Variants in HIVEP3 observed in about 807,000 individuals in gnomAD.
HIVEP3 encodes transcription factor HIVEP3.
In HIVEP3, 49 loss-of-function variants were observed where a neutral mutation model predicts 152.8. The ratio of observed to expected loss-of-function variants is 0.32; its 90% CI spans 0.26 to 0.41. The LOEUF is 0.41. Ranked by LOEUF, HIVEP3 falls within the 10% of genes least tolerant of loss-of-function variation. The probability of loss-of-function intolerance (pLI) is 1.00; values close to 1 mark genes in which losing one functional copy is unlikely to be tolerated. For synonymous variants in HIVEP3, 1,269 were observed against 1,289.0 expected (o/e 0.98, Z 0.33); for missense variants, 2,790 against 3,103.3 (o/e 0.90, Z 2.40).
chr1:42,014,905 T>C (rs1474706775), intron 1 of HIVEP3, among the ~76,000 whole-genome samples: 1 of 152,206 alleles, frequency 6.6e-6, no homozygotes, highest in Non-Finnish European at 1.5e-5. Context: ...TGTACAGTCA[T>C]GTCCAGAAAG....
chr1:41,677,423 G>A (rs962391380), intron 2 of HIVEP3, among the ~76,000 whole-genome samples: 3 of 152,244 alleles, frequency 2.0e-5, no homozygotes, highest in African/African-American at 7.2e-5. Flanking sequence ...TGCACCAGCG[G>A]TGTGACATTG....
chr1:41,562,627 C>A (rs1264633560), intron 5 of HIVEP3, among the ~76,000 whole-genome samples: 1 of 112,540 alleles, frequency 8.9e-6, no homozygotes, highest in African/African-American at 4.0e-5. Flanking sequence ...CTCTCTCTCT[C>A]TCTCTCCCTC....
chr1:41,965,910 C>A (rs1645194926), intron 1 of HIVEP3, among the ~76,000 whole-genome samples: 1 of 152,106 alleles, frequency 6.6e-6, no homozygotes, highest in Admixed American at 6.5e-5. Context: ...AGAAGATCAA[C>A]CCCAAGACAC....
chr1:41,518,129 G>C (rs1327215625), intron 7 of HIVEP3, among the ~76,000 whole-genome samples: 2 of 152,208 alleles, frequency 1.3e-5, no homozygotes, highest in East Asian at 3.9e-4. Context: ...GGTGCCAGGC[G>C]CTCCACCTGC....
chr1:41,665,486 G>A (rs1447804209), intron 2 of HIVEP3, among the ~76,000 whole-genome samples: 1 of 151,858 alleles, frequency 6.6e-6, no homozygotes, highest in Non-Finnish European at 1.5e-5. Context: ...TTGGGAACAT[G>A]TAATACACAA....
intron 3 of HIVEP3, among the ~76,000 whole-genome samples, chr1:41,627,424 C>G (rs956471780): frequency 5.3e-5 from 8 of 152,172 alleles, no homozygotes; most frequent in African/African-American, 1.9e-4. Flanking sequence ...ACAAACATCC[C>G]CTCTTAAAAT....
chr1:41,767,944 A>G (rs1648114961), intron 1 of HIVEP3, among the ~76,000 whole-genome samples: 1 of 152,258 alleles, frequency 6.6e-6, no homozygotes, highest in Admixed American at 6.5e-5. Context: ...TTTGTTCCTT[A>G]TAACAATCCT....
intron 1 of HIVEP3, among the ~76,000 whole-genome samples, chr1:41,889,415 C>T (rs1016679051): frequency 2.6e-5 from 4 of 152,132 alleles, no homozygotes; most frequent in Non-Finnish European, 5.9e-5. Context: ...GACACTGCCA[C>T]CTCATTACCC....
At chr1:41,720,071 C>G (rs920688515) in intron 1 of HIVEP3, among the ~76,000 whole-genome samples, 4 of 152,226 alleles carry the variant, frequency 2.6e-5, no homozygotes, top group Non-Finnish European at 5.9e-5. Context: ...AGGCCCAGTT[C>G]TGGTTTCAGC....
chr1:41,659,122 C>T (rs946834409), intron 2 of HIVEP3, among the ~76,000 whole-genome samples: 2 of 152,228 alleles, frequency 1.3e-5, no homozygotes, highest in African/African-American at 4.8e-5. Flanking sequence ...CAGCGAACTG[C>T]AAGTATGGCC....
chr1:41,562,951 C>G (rs1030814455), intron 5 of HIVEP3, among the ~76,000 whole-genome samples: 6 of 152,090 alleles, frequency 3.9e-5, no homozygotes, highest in African/African-American at 1.4e-4. Flanking sequence ...TCCCCCCACC[C>G]ACCCCAGAGA....
intron 2 of HIVEP3, among the ~76,000 whole-genome samples, chr1:41,668,553 A>C (rs1401101762): frequency 6.6e-6 from 1 of 152,278 alleles, no homozygotes; most frequent in South Asian, 2.1e-4. Flanking sequence ...ACAGCTCACT[A>C]GTCCGTAAAC....
chr1:41,621,456 G>A lies in HIVEP3; in HGVS notation c.-522+7293C>T, dbSNP rs1486320422. On this transcript the variant is annotated intron_variant, in intron 3 of 8. Transcript: ENST00000372583. ...AAGGGAGGGCCTGCAGCCGTGGCCAGACTGCTCTGTCCACTCCCCACCCTG... is the reference window on the plus strand; with the variant it reads ...AAGGGAGGGCCTGCAGCCGTGGCCAAACTGCTCTGTCCACTCCCCACCCTG... 4.6e-5 allele frequency among the ~76,000 whole-genome samples: 7 copies of A among 152,240 alleles called. No homozygotes were observed. In the East Asian group the frequency reaches 1.3e-3, roughly 29 times the overall value.
chr1:41,802,743 T>C (rs1016281851), intron 1 of HIVEP3, among the ~76,000 whole-genome samples: 11 of 152,236 alleles, frequency 7.2e-5, no homozygotes, highest in African/African-American at 2.7e-4. Context: ...GACAGTCACA[T>C]AGCAAGTATC....
intron 3 of HIVEP3, among the ~76,000 whole-genome samples, chr1:41,601,431 A>C (rs1331712969): frequency 6.6e-6 from 1 of 152,074 alleles, no homozygotes; most frequent in Non-Finnish European, 1.5e-5. Context: ...TTTCTTTATT[A>C]AATGTTTTGT....
At chr1:41,711,069 G>A (rs185142288) in intron 1 of HIVEP3, among the ~76,000 whole-genome samples, 4 of 152,274 alleles carry the variant, frequency 2.6e-5, no homozygotes, top group Non-Finnish European at 4.4e-5. Flanking sequence ...GCTCTGCTGC[G>A]GGCCTAGACT....
At chr1:41,816,947 C>T (rs991836879) in intron 1 of HIVEP3, among the ~76,000 whole-genome samples, 1 of 152,216 alleles carries the variant, frequency 6.6e-6, no homozygotes, top group African/African-American at 2.4e-5. Context: ...ACCATCTCTA[C>T]CCACTTTTAG....
chr1:41,948,318 G>T (rs943264503), intron 1 of HIVEP3, among the ~76,000 whole-genome samples: 3 of 152,166 alleles, frequency 2.0e-5, no homozygotes, highest in African/African-American at 4.8e-5. Context: ...TATATATACA[G>T]ACTGTAAGTA....
At chr1:41,694,309 C>A (rs1174932709) in intron 2 of HIVEP3, among the ~76,000 whole-genome samples, 6 of 152,148 alleles carry the variant, frequency 3.9e-5, no homozygotes, top group African/African-American at 1.4e-4. Flanking sequence ...CGGCCTTTTG[C>A]ATGCCCCACC....
Sources: gnomAD v4.1 joint callset for allele counts (sites outside exome capture counted in the v4.1 genomes callset) on GRCh38, gnomAD v4.1.1 for gene constraint, MANE v1.5 for transcripts, NCBI Gene and HGNC (gene_info 2026-07-23, HGNC 2026-07-21) for gene names.